The following HS2ST1 variants were observed in gnomAD, a reference collection of about 807,000 sequenced individuals.
HS2ST1 encodes heparan sulfate 2-O-sulfotransferase 1, also known as 2-O-sulfotransferase.
Under a neutral mutation model 42.9 loss-of-function variants are expected in HS2ST1, and 18 were observed. The ratio of observed to expected loss-of-function variants is 0.42; its 90% CI spans 0.29 to 0.62. The LOEUF (loss-of-function observed/expected upper bound fraction) is 0.62, where lower values mean the gene tolerates loss of function less well. HS2ST1 is among the 20% of genes least tolerant of loss of function. The pLI, the probability that HS2ST1 is intolerant of heterozygous loss-of-function variation, is 0.21. For missense variants in HS2ST1, 334 were observed against 433.8 expected, an observed-to-expected ratio of 0.77 and a Z score of 2.04; for synonymous variants, 146 against 152.9, an observed-to-expected ratio of 0.95 and a Z score of 0.33.
chr1:86,984,237 G>A (rs1188581275), intron 1 of HS2ST1, among the ~76,000 whole-genome samples: 3 of 152,148 alleles, frequency 2.0e-5, no homozygotes, highest in African/African-American at 7.2e-5. Flanking sequence ...GTGAAAAACA[G>A]TTATTAAGAG....
At chr1:87,045,754 A>G in intron 1 of HS2ST1, 2 of 928,634 alleles carry the variant, frequency 2.2e-6, no homozygotes, top group South Asian at 2.6e-5. Context: ...TTCATACTGA[A>G]AATATGCATC....
At chr1:86,951,834 G>T (rs1414720701) in intron 1 of HS2ST1, among the ~76,000 whole-genome samples, 1 of 152,184 alleles carries the variant, frequency 6.6e-6, no homozygotes, top group Non-Finnish European at 1.5e-5. Context: ...GTCCTTTGTT[G>T]TCATTTCAGC....
At chr1:87,055,686 A>G (rs1650947402) in intron 1 of HS2ST1, among the ~76,000 whole-genome samples, 1 of 152,208 alleles carries the variant, frequency 6.6e-6, no homozygotes, top group Non-Finnish European at 1.5e-5. Context: ...ATAGTTCACA[A>G]TCATTTTCAT....
intron 1 of HS2ST1, among the ~76,000 whole-genome samples, chr1:86,999,866 A>G (rs1272765130): frequency 6.6e-6 from 1 of 152,028 alleles, no homozygotes; most frequent in African/African-American, 2.4e-5. Flanking sequence ...TTCTATTTCC[A>G]CGTTATTTGT....
Position 87,109,476 on chromosome 1 carries a change from TAAAA to T in HS2ST1, c.*4784_*4787del, listed in dbSNP as rs985115427. 6.6e-6 allele frequency: 1 copy of T among 151,930 alleles called. No homozygotes were observed. The highest frequency in any genetic ancestry group is 1.5e-5 in the Non-Finnish European group (1 of 67,930). The allele number at this position is 151,930 out of a possible 1,614,324, so 9.4% of individuals were successfully genotyped here. Reference sequence around the variant, plus strand: ...AAAATAGAGAAAGGGCTATTAGAATTAAAAAAATTTGAAAGTAACTTAATCTAAC... The same window carrying T: ...AAAATAGAGAAAGGGCTATTAGAATTAAATTTGAAAGTAACTTAATCTAAC... On this transcript the variant is annotated 3_prime_UTR_variant, in exon 7 of 7. Coordinates refer to ENST00000370550, the MANE Select transcript of HS2ST1 (RefSeq NM_012262.4).
At chr1:87,017,113 T>C (rs1649781404) in intron 1 of HS2ST1, among the ~76,000 whole-genome samples, 1 of 151,968 alleles carries the variant, frequency 6.6e-6, no homozygotes, top group South Asian at 2.1e-4. Flanking sequence ...AATTTGTGTC[T>C]AGTGTAGCAG....
chr1:87,056,235 G>A (rs543183787), intron 1 of HS2ST1, among the ~76,000 whole-genome samples: 59 of 152,228 alleles, frequency 3.9e-4, no homozygotes, highest in African/African-American at 1.4e-3. Flanking sequence ...TCGTGTTTGC[G>A]CTATTTTCTG....
intron 1 of HS2ST1, among the ~76,000 whole-genome samples, chr1:87,009,081 C>T (rs1293155658): frequency 2.0e-5 from 3 of 152,112 alleles, no homozygotes; most frequent in South Asian, 4.1e-4. Flanking sequence ...TGAGCTCAAG[C>T]GATCGCCCAC....
chr1:86,950,338 A>G (rs139227826), intron 1 of HS2ST1, among the ~76,000 whole-genome samples: 1 of 152,054 alleles, frequency 6.6e-6, no homozygotes, highest in East Asian at 1.9e-4. Flanking sequence ...ATGAAAGACT[A>G]GATAGATACA....
At chr1:86,918,990 A>G (rs377492494) in intron 1 of HS2ST1, among the ~76,000 whole-genome samples, 2 of 143,840 alleles carry the variant, frequency 1.4e-5, no homozygotes, top group African/African-American at 5.2e-5. Context: ...TTATTTATTT[A>G]TTTTTTTGAG....
At chr1:86,958,044 G>A (rs534722883) in intron 1 of HS2ST1, among the ~76,000 whole-genome samples, 2 of 152,116 alleles carry the variant, frequency 1.3e-5, no homozygotes, top group Non-Finnish European at 2.9e-5. Context: ...CACCCGCCTC[G>A]GCCTCCCAAA....
intron 1 of HS2ST1, among the ~76,000 whole-genome samples, chr1:86,918,978 A>C (rs531963737): frequency 7.0e-6 from 1 of 143,674 alleles, no homozygotes; most frequent in Non-Finnish European, 1.5e-5. Flanking sequence ...TTATTTATTT[A>C]TTTATTTATT....
At chr1:86,997,417 G>C (rs1335905773) in intron 1 of HS2ST1, among the ~76,000 whole-genome samples, 2 of 152,158 alleles carry the variant, frequency 1.3e-5, no homozygotes, top group African/African-American at 4.8e-5. Context: ...AAGATAACTA[G>C]TAATTGGTAC....
At chr1:87,001,976 G>A (rs367607971) in intron 1 of HS2ST1, among the ~76,000 whole-genome samples, 198 of 143,294 alleles carry the variant, frequency 1.4e-3, no homozygotes, top group African/African-American at 5.0e-3. Context: ...GCAGTGGCGC[G>A]ATCTCGGCTC....
intron 1 of HS2ST1, chr1:87,046,643 G>A: frequency 6.5e-7 from 1 of 1,542,310 alleles, no homozygotes; most frequent in Non-Finnish European, 8.8e-7. Context: ...GAATGCATCA[G>A]ATCAACAGAA....
intron 1 of HS2ST1, chr1:87,045,140 A>G: frequency 1.2e-6 from 1 of 851,604 alleles, no homozygotes; most frequent in Non-Finnish European, 2.0e-6. Flanking sequence ...GACCTCCATC[A>G]TTACTGCCAT....
At position 87,092,591 on chromosome 1, in the gene HS2ST1, A is replaced by G; in HGVS notation, c.510A>G (p.Leu170=). 6.3e-7 allele frequency: 1 copy of G among 1,589,810 alleles called. No homozygotes were observed. The highest frequency in any genetic ancestry group is 8.6e-7 in the Non-Finnish European group (1 of 1,166,930). The part of the protein sequence containing the change: ...INVIRDPIER[L]VSYYYFLRFG... ...TCATAAGGGATCCTATTGAGAGGCT[A>G]GTTTCTTATTATTACTTTCTGAGAT... is the stretch of plus-strand genomic sequence containing the variant. Residue 170 remains leucine, a synonymous_variant, in exon 4 of 7, where the codon CTA becomes CTG. Transcript: ENST00000370550.
At chr1:86,980,699 G>T (rs550539406) in intron 1 of HS2ST1, among the ~76,000 whole-genome samples, 28 of 152,170 alleles carry the variant, frequency 1.8e-4, no homozygotes, top group Admixed American at 3.3e-4. Context: ...TAAATCCAAG[G>T]TTTTTTATGA....
intron 1 of HS2ST1, among the ~76,000 whole-genome samples, chr1:87,018,093 C>T (rs1439952618): frequency 1.3e-5 from 2 of 150,946 alleles, no homozygotes; most frequent in Non-Finnish European, 2.9e-5. Flanking sequence ...ATCAATGTAA[C>T]TCTCACCTCT....
Sources: allele counts gnomAD v4.1 joint callset (sites outside exome capture counted in the v4.1 genomes callset), GRCh38; gene constraint gnomAD v4.1.1; transcripts MANE v1.5; gene names NCBI Gene and HGNC (gene_info 2026-07-23, HGNC 2026-07-21).